Variants in KPTN observed in about 807,000 individuals in gnomAD.
KPTN encodes KICSTOR complex protein kaptin.
Under a neutral mutation model 52.6 loss-of-function variants are expected in KPTN, and 36 were observed. That is an observed-to-expected ratio of 0.68 (90% confidence interval 0.52 to 0.90). The LOEUF (loss-of-function observed/expected upper bound fraction) is 0.90, where lower values mean the gene tolerates loss of function less well. Among genes scored for constraint, KPTN ranks in the 40% least tolerant of loss-of-function variants. The probability of loss-of-function intolerance (pLI) is 0.00; values close to 1 mark genes in which losing one functional copy is unlikely to be tolerated. For synonymous variants in KPTN, 271 were observed against 248.4 expected (o/e 1.09, Z -0.85); for missense variants, 529 against 576.2 (o/e 0.92, Z 0.84).
rs1599870105 is a variant in KPTN, at chr19:47,477,655, A to G, written c.863+51T>C. 7 of 1,348,526 alleles carry G rather than the reference A, an allele frequency of 5.2e-6. No individual in the cohort carries two copies. The East Asian group carries it at 1.6e-4, about 31-fold the overall frequency. 83.5% of individuals were successfully genotyped at this position (1,348,526 alleles called of 1,614,324 possible). The stretch of plus-strand genomic sequence containing the variant: ...GTAGAGAATGACAAGGTTAGACCAC[A>G]GTGCAAAGAAAGAAGGTTAGACCAC... On this transcript the variant is annotated intron_variant, in intron 9 of 11. Transcript: ENST00000338134.
intron 6 of KPTN, 48 bp from the exon 7 acceptor site, chr19:47,480,455 G>T (rs1298352644): frequency 1.5e-6 from 2 of 1,371,966 alleles, no homozygotes; most frequent in African/African-American, 2.9e-5. Context: ...GCTGGGCCCA[G>T]CCCCGCCCCT....
intron 4 of KPTN, among the ~76,000 whole-genome samples, chr19:47,481,382 G>A (rs1240103307): frequency 1.3e-5 from 2 of 152,172 alleles, no homozygotes; most frequent in East Asian, 3.9e-4. Context: ...AGAATGAACT[G>A]CAGAACCTTA....
chr19:47,483,111 G>A (rs1035744318), intron 4 of KPTN, 50 bp downstream of exon 4: 1 of 1,565,756 alleles, frequency 6.4e-7, no homozygotes, highest in South Asian at 1.1e-5. Context: ...GAGAAGCCAG[G>A]GTTTCTACAT....
rs1967988873 is a variant in KPTN, at chr19:47,484,068, C to G, written c.93G>C (p.Leu31=). The change falls in exon 1 of 12, where the codon CTG becomes CTC. Residue 31 remains leucine (L), a synonymous_variant. Transcript: ENST00000338134. ...CCCCGCGCCCGCCGGCGCCGCCTGCCAGCCCGTACACATTGCTCTGCGACG... is the reference window on the plus strand; with the variant it reads ...CCCCGCGCCCGCCGGCGCCGCCTGCGAGCCCGTACACATTGCTCTGCGACG... ...RFSSQSNVYG[L]AGGAGGRGEL... 18 of 1,610,502 alleles carry G rather than the reference C, an allele frequency of 1.1e-5. No individual in the cohort carries two copies. Among genetic ancestry groups the G allele is most frequent in the Non-Finnish European group, 1.5e-5 (18 of 1,179,814 alleles).
chr19:47,483,070 C>T, intron 4 of KPTN, 91 bp downstream of exon 4: 1 of 1,262,432 alleles, frequency 7.9e-7, no homozygotes, highest in Non-Finnish European at 1.2e-6. Flanking sequence ...GGGAAACAGA[C>T]TACAGGGGTC....
chr19:47,481,167 G>C (rs1967868300), intron 4 of KPTN, 134 bp from the exon 5 acceptor site: 2 of 694,822 alleles, frequency 2.9e-6, no homozygotes, highest in African/African-American at 3.6e-5. Flanking sequence ...CCCAGGGTTA[G>C]AATCTCAGGG....
At chr19:47,483,641 C>T (rs1967968696) in intron 1 of KPTN, 57 bp from the exon 2 acceptor site, 1 of 1,307,112 alleles carries the variant, frequency 7.7e-7, no homozygotes, top group African/African-American at 1.5e-5. Context: ...CCAATCTCCC[C>T]AACATGGTGA....
intron 7 of KPTN, 121 bp from the exon 8 acceptor site, chr19:47,480,061 T>C (rs1345527940): frequency 5.7e-5 from 21 of 365,308 alleles, no homozygotes; most frequent in Non-Finnish European, 1.4e-5. Flanking sequence ...TCTGAAGCCC[T>C]CAACCCCACC....
chr19:47,480,075 G>A, intron 7 of KPTN, 135 bp from the exon 8 acceptor site: 2 of 320,614 alleles, frequency 6.2e-6, no homozygotes, highest in Non-Finnish European at 1.1e-5. Context: ...CCCCACCCTA[G>A]CCCCGCCCCC....
Position 47,483,524 on chromosome 19 carries a change from A to G in KPTN, c.287T>C (p.Val96Ala), listed in dbSNP as rs1468177963. The change falls in exon 2 of 12, where the codon GTT (valine) becomes GCT (alanine). Residue 96 changes from valine to alanine, a missense_variant. Transcript: ENST00000338134. Reference sequence around the variant, plus strand: ...TACCTTGATGAACGTGATCCCCACAACCAGACCCCGCTTGGGGGGTGACTT... The same window carrying G: ...TACCTTGATGAACGTGATCCCCACAGCCAGACCCCGCTTGGGGGGTGACTT... Reference protein sequence around the residue: ...FNKSPPKRGLVVGITFIKDSG... With the variant: ...FNKSPPKRGLAVGITFIKDSG... 6.3e-7 allele frequency: 1 copy of G among 1,587,440 alleles called. No individual in the cohort carries two copies.
At position 47,476,854 on chromosome 19, in the gene KPTN, G is replaced by A. The variant is rs773243822; in HGVS notation, c.948C>T (p.Thr316=). 53 of 1,576,002 alleles carry A rather than the reference G, an allele frequency of 3.4e-5. No individual in the cohort carries two copies. The highest frequency in any genetic ancestry group is 4.1e-5 in the Non-Finnish European group (48 of 1,160,502). ...CTGGCCGCCCATCCAAATCCACATC[G>A]GTGACCAGGCTGCAGAGGACGCTGT... ...QFDSVLCSLV[T]DVDLDGRPEV... The change falls in exon 10 of 12, where the codon ACC becomes ACT. Residue 316 remains threonine, a synonymous_variant. Coordinates refer to ENST00000338134, the MANE Select transcript of KPTN (RefSeq NM_007059.4).
upstream of KPTN, chr19:47,484,358 C>T: frequency 3.2e-6 from 2 of 620,282 alleles, no homozygotes; most frequent in Non-Finnish European, 5.6e-6. Context: ...TGCCCCACTG[C>T]GCCCGCGCTC....
chr19:47,480,728 T>G (rs768230140), intron 6 of KPTN, 32 bp downstream of exon 6: 2 of 1,597,688 alleles, frequency 1.3e-6, no homozygotes, highest in Admixed American at 3.3e-5. Flanking sequence ...AGTGCCCCGG[T>G]CCCCAGTGGC....
intron 6 of KPTN, 32 bp downstream of exon 6, chr19:47,480,728 T>A (rs768230140): frequency 1.3e-6 from 2 of 1,597,688 alleles, no homozygotes; most frequent in South Asian, 2.2e-5. Flanking sequence ...AGTGCCCCGG[T>A]CCCCAGTGGC....
At chr19:47,481,919 G>A (rs1211075994) in intron 4 of KPTN, among the ~76,000 whole-genome samples, 1 of 152,224 alleles carries the variant, frequency 6.6e-6, no homozygotes, top group Non-Finnish European at 1.5e-5. Context: ...CTCGAAAGAT[G>A]AGAATGTCAG....
Position 47,480,941 on chromosome 19 carries a change from A to AC in KPTN, c.525+16dup. 1 of 1,611,512 alleles carries AC rather than the reference A, an allele frequency of 6.2e-7. No individual in the cohort carries two copies. The highest frequency in any genetic ancestry group is 8.5e-7 in the Non-Finnish European group (1 of 1,178,600). Reference sequence around the variant, plus strand: ...TGAATCCCACAGGGCTCTGCCCAGCACGCCGCCCCACCTCACCTCCTTGTA... The same window carrying AC: ...TGAATCCCACAGGGCTCTGCCCAGCACCGCCGCCCCACCTCACCTCCTTGTA... On this transcript the variant is annotated intron_variant, in intron 5 of 11. Transcript: ENST00000338134.
chr19:47,475,402 G>C lies in KPTN; in HGVS notation c.*14C>G. ...GAGTCGCCCCAGGTCTGGGAAGAGT[G>C]GGTGCATGGGTGCTTAAGAGGCTGC... On this transcript the variant is annotated 3_prime_UTR_variant, in exon 12 of 12. Coordinates refer to ENST00000338134, the MANE Select transcript of KPTN (RefSeq NM_007059.4). The C allele has an allele frequency of 6.2e-7, 1 of 1,610,602 alleles. No individual in the cohort carries two copies.
At chr19:47,479,290 G>T (rs548314504) in intron 8 of KPTN, among the ~76,000 whole-genome samples, 21 of 152,332 alleles carry the variant, frequency 1.4e-4, no homozygotes, top group African/African-American at 4.6e-4. Flanking sequence ...TGATCCGTCC[G>T]CTTCGGCCTC....
chr19:47,477,319 C>T (rs937624376), intron 9 of KPTN, among the ~76,000 whole-genome samples: 2 of 152,152 alleles, frequency 1.3e-5, no homozygotes, highest in Admixed American at 6.5e-5. Flanking sequence ...TAGTTGCTTC[C>T]GAGAGCTGAC....
Sources: allele counts gnomAD v4.1 joint callset (sites outside exome capture counted in the v4.1 genomes callset), GRCh38; gene constraint gnomAD v4.1.1; transcripts MANE v1.5; gene names NCBI Gene and HGNC (gene_info 2026-07-23, HGNC 2026-07-21).